The following NCAPH2 variants were observed in gnomAD, a reference collection of about 807,000 sequenced individuals.
The protein encoded by NCAPH2 is non-SMC condensin II complex subunit H2.
NCAPH2 carries 56 observed loss-of-function variants against 88.6 expected under a neutral mutation model. The ratio of observed to expected loss-of-function variants is 0.63; its 90% CI spans 0.51 to 0.79. NCAPH2 has a LOEUF of 0.79. NCAPH2 is among the 30% of genes least tolerant of loss of function. NCAPH2 has a pLI of 0.00. For missense variants in NCAPH2, 794 were observed against 792.0 expected (o/e 1.00, Z -0.03); for synonymous variants, 378 against 313.6 (o/e 1.21, Z -2.17).
rs1366679178 is a variant in NCAPH2, at chr22:50,521,029, G to T, written c.926G>T (p.Cys309Phe). Reference sequence around the variant, plus strand: ...GAGGGGGCCCCAGAGCCTGCATCCTGCGTGAAGGTAGGAGTGTTGGGGCCC... The same window carrying T: ...GAGGGGGCCCCAGAGCCTGCATCCTTCGTGAAGGTAGGAGTGTTGGGGCCC... ...EREGAPEPAS[C>F]VKETPDPWQS... Residue 309 changes from cysteine to phenylalanine, a missense_variant, in exon 10 of 20, where the codon TGC (cysteine) becomes TTC (phenylalanine). Physicochemically the swap from Cys to Phe is radical, Grantham distance 205. Around this residue, in one of 2 missense-constraint regions of NCAPH2, gnomAD observed 735 missense variants for 696.3 expected, o/e 1.06. Coordinates refer to ENST00000420993, the MANE Select transcript of NCAPH2 (RefSeq NM_152299.4). The T allele has an allele frequency of 2.6e-6, 4 of 1,550,500 alleles. No homozygotes were observed. Among genetic ancestry groups the T allele is most frequent in the Non-Finnish European group, 2.6e-6 (3 of 1,146,844 alleles).
intron 1 of NCAPH2, 33 bp downstream of exon 1, chr22:50,508,478 C>A: frequency 9.9e-7 from 1 of 1,007,024 alleles, no homozygotes; most frequent in Non-Finnish European, 1.3e-6. Context: ...GCGGGGTGGG[C>A]CGGCGGGTGG....
intron 10 of NCAPH2, 145 bp downstream of exon 10, chr22:50,521,181 C>T: frequency 2.3e-6 from 2 of 877,962 alleles, no homozygotes; most frequent in Non-Finnish European, 3.5e-6. Flanking sequence ...AAGACCCCCT[C>T]ATGCGACTCT....
rs904814126 is a variant in NCAPH2, at chr22:50,516,556, C to T, written c.210+8C>T. ...TGCGTCTACAGTAAGAAGGTGGGCCCTGCTTGACGCTGGTCTTGGCATTTT... is the reference window on the plus strand; with the variant it reads ...TGCGTCTACAGTAAGAAGGTGGGCCTTGCTTGACGCTGGTCTTGGCATTTT... On this transcript the variant is annotated splice_region_variant and intron_variant, in intron 2 of 19. Coordinates refer to ENST00000420993, the MANE Select transcript of NCAPH2 (RefSeq NM_152299.4). 6.2e-7 allele frequency: 1 copy of T among 1,613,482 alleles called. No homozygotes were observed. The highest frequency in any genetic ancestry group is 8.5e-7 in the Non-Finnish European group (1 of 1,179,524).
intron 10 of NCAPH2, 59 bp from the exon 11 acceptor site, chr22:50,521,484 T>C: frequency 6.4e-7 from 1 of 1,564,414 alleles, no homozygotes; most frequent in Admixed American, 1.7e-5. Context: ...CCTACTCCTT[T>C]GGGAGGGACG....
chr22:50,508,460 G>A lies in NCAPH2; in HGVS notation c.108+15G>A, dbSNP rs746430594. 8 of 1,368,702 alleles carry A rather than the reference G, an allele frequency of 5.8e-6. No homozygotes were observed. Among genetic ancestry groups the A allele is most frequent in the South Asian group, 1.6e-5 (1 of 61,444 alleles). 84.8% of individuals were successfully genotyped at this position (1,368,702 alleles called of 1,614,324 possible). ...ATCTGGAGGAGGTAAGGGCGGCGGG[G>A]GAGTGACGCGGGGTGGGCCGGCGGG... On this transcript the variant is annotated intron_variant, in intron 1 of 19. Coordinates refer to ENST00000420993, the MANE Select transcript of NCAPH2 (RefSeq NM_152299.4).
In NCAPH2 at chr22:50,523,038, A is replaced by G; in HGVS notation, c.1549A>G (p.Ile517Val). ...GCAGGAGCAGCATGTGCCCTTTGACATCCACACCTATGGGGACCAGCTGGT... is the reference window on the plus strand; with the variant it reads ...GCAGGAGCAGCATGTGCCCTTTGACGTCCACACCTATGGGGACCAGCTGGT... Reference protein sequence around the residue: ...QEQEQHVPFDIHTYGDQLVSR... With the variant: ...QEQEQHVPFDVHTYGDQLVSR... Residue 517 changes from isoleucine (I) to valine (V), a missense_variant, in exon 19 of 20, where the codon ATC becomes GTC. This residue lies in a region of NCAPH2 where 735 missense variants were observed against 696.3 expected (regional missense o/e 1.06). Transcript: ENST00000420993. 1 of 1,601,484 alleles carries G rather than the reference A, an allele frequency of 6.2e-7. No homozygotes were observed. The highest frequency in any genetic ancestry group is 8.5e-7 in the Non-Finnish European group (1 of 1,171,672).
In NCAPH2 at chr22:50,522,944, C is replaced by T. The variant is rs190363409; in HGVS notation, c.1527+22C>T. 3.2e-4 allele frequency: 512 copies of T among 1,612,310 alleles called. 6 individuals are homozygous for T. In the African/African-American group the frequency reaches 5.7e-3, roughly 18 times the overall value. ...GCAGGTGAGGCGGGGCCGCTGGGAA[C>T]CAGAGCTGTGTGCCACGGGTCTGTC... On this transcript the variant is annotated intron_variant, in intron 18 of 19. Coordinates refer to ENST00000420993, the MANE Select transcript of NCAPH2 (RefSeq NM_152299.4).
Position 50,517,771 on chromosome 22 carries a change from C to G in NCAPH2, c.382C>G (p.Arg128Gly). ...FLSLDDFPDSRTNVDLKNDQT... is the reference protein window; with the variant it reads ...FLSLDDFPDSGTNVDLKNDQT... ...GTCGCTGGATGACTTCCCTGACTCC[C>G]GGACTAACGTGGATCTCAAGAATGA... is the stretch of plus-strand genomic sequence containing the variant. The change falls in exon 5 of 20, where the codon CGG becomes GGG. Residue 128 changes from arginine to glycine, a missense_variant. Coordinates refer to ENST00000420993, the MANE Select transcript of NCAPH2 (RefSeq NM_152299.4). 1 of 1,613,950 alleles carries G rather than the reference C, an allele frequency of 6.2e-7. No individual in the cohort carries two copies.
In NCAPH2 at chr22:50,522,102, G is replaced by A. The variant is rs371369559; in HGVS notation, c.1162+63G>A. On this transcript the variant is annotated intron_variant, in intron 13 of 19. Transcript: ENST00000420993. ...CCTTCCCCTACCTCTTCCCCCACCTGGTGTCACCCAAAGCCTTGGGTGGAC... is the reference window on the plus strand; with the variant it reads ...CCTTCCCCTACCTCTTCCCCCACCTAGTGTCACCCAAAGCCTTGGGTGGAC... 5.6e-6 allele frequency: 9 copies of A among 1,612,542 alleles called. No individual in the cohort carries two copies. The African/African-American group carries it at 1.1e-4, about 19-fold the overall frequency.
chr22:50,516,607 T>C (rs2068931375), intron 2 of NCAPH2, 59 bp downstream of exon 2: 1 of 1,520,170 alleles, frequency 6.6e-7, no homozygotes, highest in South Asian at 1.1e-5. Flanking sequence ...CACAGTCGGC[T>C]CTCCTTCTGG....
In NCAPH2 at chr22:50,523,506, C is replaced by T. The variant is rs1047088530; in HGVS notation, c.*131C>T. 14 of 1,543,742 alleles carry T rather than the reference C, an allele frequency of 9.1e-6. No individual in the cohort carries two copies. In the Admixed American group the frequency reaches 9.7e-5, roughly 11 times the overall value. On this transcript the variant is annotated 3_prime_UTR_variant, in exon 20 of 20. Transcript: ENST00000420993. ...CTAAAAACCCTTTTATGTACACCTG[C>T]GCAGAGAAGAGGGCTGCCTGGCCTC...
Position 50,522,404 on chromosome 22 carries a change from TG to T in NCAPH2, c.1300del (p.Ala434GlnfsTer6). Reference sequence around the variant, plus strand: ...CACCTGGAGGATTCCCTGGAAGACCTGGGGGCAGCAGGTGGGTGCCTGCCAG... The same window carrying T: ...CACCTGGAGGATTCCCTGGAAGACCTGGGGCAGCAGGTGGGTGCCTGCCAG... ...EDHLEDSLEDLGAADDFLEPE... is the reference protein window; with the variant it reads ...EDHLEDSLEDXGAADDFLEPE... On this transcript the variant is annotated frameshift_variant, in exon 15 of 20. Transcript: ENST00000420993. LOFTEE classifies it high-confidence loss of function. The T allele has an allele frequency of 6.2e-7, 1 of 1,610,672 alleles. No homozygotes were observed. Among genetic ancestry groups the T allele is most frequent in the Non-Finnish European group, 8.5e-7 (1 of 1,178,392 alleles).
Position 50,524,779 on chromosome 22 carries a change from G to A in NCAPH2, c.*1404G>A, listed in dbSNP as rs1443682299. The stretch of plus-strand genomic sequence containing the variant: ...TTGCAATAAACCCATTTCTTAAAAG[G>A]AGGTGGGTAACTCTCTGGCTTGCAA... On this transcript the variant is annotated 3_prime_UTR_variant, in exon 20 of 20. Transcript: ENST00000420993. The A allele has an allele frequency of 1.7e-5, 7 of 422,986 alleles. No individual in the cohort carries two copies. Among genetic ancestry groups the A allele is most frequent in the Non-Finnish European group, 2.9e-5 (6 of 209,784 alleles). 26.2% of individuals were successfully genotyped at this position (422,986 alleles called of 1,614,324 possible). A position where few individuals can be genotyped will look rare whatever the true frequency, so the allele number is the denominator to read the frequency against.
In NCAPH2 at chr22:50,523,085, T is replaced by C; in HGVS notation, c.1596T>C (p.Asn532=). ...TGGTCTCACGGTTCCCCCAGCTCAA[T>C]GAGTGGTGTCCCTTTGCGGAGCTGG... The part of the protein sequence containing the change: ...DQLVSRFPQL[N]EWCPFAELVA... Residue 532 remains asparagine (N), a synonymous_variant, in exon 19 of 20, where the codon AAT becomes AAC. Transcript: ENST00000420993. 1 of 1,611,868 alleles carries C rather than the reference T, an allele frequency of 6.2e-7. No homozygotes were observed.
intron 8 of NCAPH2, 107 bp from the exon 9 acceptor site, chr22:50,519,083 T>C: frequency 8.8e-7 from 1 of 1,132,790 alleles, no homozygotes; most frequent in African/African-American, 1.6e-5. Flanking sequence ...CCAAATCCTC[T>C]GGGCTCCGTG....
chr22:50,524,689 T>A lies in NCAPH2; in HGVS notation c.*1314T>A. The A allele has an allele frequency of 1.5e-6, 1 of 661,948 alleles. No homozygotes were observed. Among genetic ancestry groups the A allele is most frequent in the Non-Finnish European group, 2.9e-6 (1 of 349,628 alleles). The allele number at this position is 661,948 out of a possible 1,614,324, so 41.0% of individuals were successfully genotyped here. Reference sequence around the variant, plus strand: ...GCCCTGCACCTGCACCTCAGCAAGGTGAACCTCTTGCTGACGGAAAGCATT... The same window carrying A: ...GCCCTGCACCTGCACCTCAGCAAGGAGAACCTCTTGCTGACGGAAAGCATT... On this transcript the variant is annotated 3_prime_UTR_variant, in exon 20 of 20. Transcript: ENST00000420993.
intron 3 of NCAPH2, 37 bp from the exon 4 acceptor site, chr22:50,517,540 G>A (rs1322798086): frequency 6.2e-7 from 1 of 1,614,074 alleles, no homozygotes; most frequent in Non-Finnish European, 8.5e-7. Flanking sequence ...GGCCCCTGCA[G>A]CTCCTGGGAT....
At chr22:50,515,609 G>T (rs1603440839) in intron 1 of NCAPH2, 2 of 762,116 alleles carry the variant, frequency 2.6e-6, no homozygotes, top group East Asian at 1.3e-4. Flanking sequence ...TGTTAGCCAG[G>T]ATGGTCTCGA....
At chr22:50,518,313 G>C in intron 7 of NCAPH2, 35 bp downstream of exon 7, 1 of 1,603,564 alleles carries the variant, frequency 6.2e-7, no homozygotes, top group Non-Finnish European at 8.5e-7. Flanking sequence ...TGGTGGGAAG[G>C]AAGGGAGGGT....
Sources: gnomAD v4.1 joint callset for allele counts on GRCh38, gnomAD v4.1.1 for gene constraint, gnomAD v4.1.1 regional missense constraint, MANE v1.5 for transcripts, NCBI Gene and HGNC (gene_info 2026-07-23, HGNC 2026-07-21) for gene names.